Variants in ZNF385B observed in about 807,000 individuals in gnomAD.
ZNF385B encodes zinc finger protein 533.
ZNF385B carries 23 observed loss-of-function variants against 39.2 expected under a neutral mutation model. That is an observed-to-expected ratio of 0.59 (90% CI 0.42 to 0.83). ZNF385B has a LOEUF of 0.83. ZNF385B is among the 40% of genes least tolerant of loss of function. ZNF385B has a pLI of 0.00. For synonymous variants in ZNF385B, 205 were observed against 222.6 expected (o/e 0.92, Z 0.70); for missense variants, 552 against 598.9 (o/e 0.92, Z 0.82).
At chr2:179,699,699 TGTGTAATTTCCCTAAA>T (rs1292780493) in intron 3 of ZNF385B, among the ~76,000 whole-genome samples, 1 of 152,186 alleles carries the variant, frequency 6.6e-6, no homozygotes, top group African/African-American at 2.4e-5. Context: ...GGAGGTTTCT[TGTGTAATTTCCCTAAA>T]GGTGGCTATA....
chr2:179,772,896 C>CT (rs909675440), intron 1 of ZNF385B, among the ~76,000 whole-genome samples: 9 of 151,938 alleles, frequency 5.9e-5, no homozygotes, highest in African/African-American at 1.2e-4. Flanking sequence ...AAACTCTATG[C>CT]TTTTTTTTGT....
chr2:179,751,252 C>T (rs897691366), intron 3 of ZNF385B, among the ~76,000 whole-genome samples: 12 of 148,646 alleles, frequency 8.1e-5, no homozygotes, highest in African/African-American at 2.7e-4. Flanking sequence ...CCCACACATG[C>T]ATGTCCACAC....
Position 179,601,433 on chromosome 2 carries a change from A to AT in ZNF385B, c.299-56465dup, listed in dbSNP as rs1227236168. On this transcript the variant is annotated intron_variant, in intron 3 of 9. Coordinates refer to ENST00000410066, the MANE Select transcript of ZNF385B (RefSeq NM_152520.6). ...ACTGGGTAACAGCTATAGAGTAAAC[A>AT]TTTTTTTCTGACTTTTAACATAATA... 6.6e-5 allele frequency among the ~76,000 whole-genome samples: 10 copies of AT among 152,042 alleles called. No individual in the cohort carries two copies. The South Asian group carries it at 8.3e-4, about 13-fold the overall frequency.
Position 179,486,016 on chromosome 2 carries a change from G to GA in ZNF385B, c.553-2583dup, listed in dbSNP as rs200924414. 6.0e-3 allele frequency among the ~76,000 whole-genome samples: 900 copies of GA among 150,360 alleles called. 13 individuals are homozygous for GA. Among genetic ancestry groups the GA allele is most frequent in the African/African-American group, 0.021 (850 of 41,024 alleles). ...TCTCATGTTGTTCTCTGTCAAGTTG[G>GA]AAAAAAAAATAATCACGTGGGGAGA... On this transcript the variant is annotated intron_variant, in intron 5 of 9. Coordinates refer to ENST00000410066, the MANE Select transcript of ZNF385B (RefSeq NM_152520.6).
At chr2:179,782,569 A>G (rs1704735390) in intron 1 of ZNF385B, among the ~76,000 whole-genome samples, 2 of 152,210 alleles carry the variant, frequency 1.3e-5, no homozygotes, top group Admixed American at 1.3e-4. Flanking sequence ...ATATGATTCT[A>G]TATCTAGAAA....
intron 1 of ZNF385B, among the ~76,000 whole-genome samples, chr2:179,842,101 A>G (rs1708566824): frequency 6.6e-6 from 1 of 152,202 alleles, no homozygotes; most frequent in South Asian, 2.1e-4. Context: ...CAGGGTTACA[A>G]TGATAATTAA....
At chr2:179,834,436 T>C (rs1377884944) in intron 1 of ZNF385B, among the ~76,000 whole-genome samples, 2 of 152,154 alleles carry the variant, frequency 1.3e-5, no homozygotes, top group African/African-American at 2.4e-5. Context: ...TAGTCAAATT[T>C]GGGACAATTA....
intron 3 of ZNF385B, among the ~76,000 whole-genome samples, chr2:179,583,106 T>A (rs1574898264): frequency 6.6e-6 from 1 of 152,282 alleles, no homozygotes; most frequent in African/African-American, 2.4e-5. Context: ...TGGAAGGTTC[T>A]TTCAAAGAGA....
intron 1 of ZNF385B, among the ~76,000 whole-genome samples, chr2:179,781,853 C>G (rs1704684700): frequency 6.6e-6 from 1 of 151,968 alleles, no homozygotes; most frequent in Non-Finnish European, 1.5e-5. Flanking sequence ...ATAACAACAA[C>G]AATAAAGCCC....
chr2:179,497,434 T>C (rs986183855), intron 5 of ZNF385B, among the ~76,000 whole-genome samples: 22 of 152,122 alleles, frequency 1.4e-4, no homozygotes, highest in African/African-American at 5.3e-4. Context: ...AGTTTTTTAT[T>C]AGTTTTCTTT....
At chr2:179,609,178 T>A (rs1689081596) in intron 3 of ZNF385B, among the ~76,000 whole-genome samples, 1 of 152,066 alleles carries the variant, frequency 6.6e-6, no homozygotes, top group Non-Finnish European at 1.5e-5. Context: ...TCTAACTACA[T>A]TTTTGTACCC....
At chr2:179,539,793 G>C (rs2059802272) in intron 4 of ZNF385B, among the ~76,000 whole-genome samples, 1 of 152,108 alleles carries the variant, frequency 6.6e-6, no homozygotes, top group African/African-American at 2.4e-5. Context: ...TTTTTCTGTT[G>C]TTTCTTGAAC....
chr2:179,815,990 A>G (rs1707039907), intron 1 of ZNF385B, among the ~76,000 whole-genome samples: 1 of 151,942 alleles, frequency 6.6e-6, no homozygotes, highest in South Asian at 2.1e-4. Context: ...TTGTACACTG[A>G]CAACTTACAT....
intron 6 of ZNF385B, among the ~76,000 whole-genome samples, 168 bp from the exon 7 acceptor site, chr2:179,446,938 A>G (rs2049560716): frequency 6.6e-6 from 1 of 152,220 alleles, no homozygotes; most frequent in Non-Finnish European, 1.5e-5. Flanking sequence ...TAAATCAAAC[A>G]GAACACTATG....
chr2:179,756,320 TG>T (rs1488383801), intron 3 of ZNF385B, among the ~76,000 whole-genome samples: 1 of 152,256 alleles, frequency 6.6e-6, no homozygotes, highest in Non-Finnish European at 1.5e-5. Context: ...CACTCTCTTC[TG>T]GCTTGTAGAG....
intron 3 of ZNF385B, among the ~76,000 whole-genome samples, chr2:179,707,301 T>A (rs1699679672): frequency 6.6e-6 from 1 of 152,142 alleles, no homozygotes; most frequent in Non-Finnish European, 1.5e-5. Flanking sequence ...CTCTCCAGAC[T>A]CAAGATGAGT....
intron 5 of ZNF385B, among the ~76,000 whole-genome samples, chr2:179,513,667 T>G (rs1281287522): frequency 6.6e-6 from 1 of 152,234 alleles, no homozygotes; most frequent in African/African-American, 2.4e-5. Context: ...ACGGAGATGT[T>G]TATATCCTAT....
chr2:179,717,874 T>C (rs1422428270), intron 3 of ZNF385B, among the ~76,000 whole-genome samples: 8 of 151,504 alleles, frequency 5.3e-5, no homozygotes, highest in Admixed American at 4.6e-4. Flanking sequence ...TATTACGTTG[T>C]ATGTAATTAT....
At chr2:179,728,569 A>C (rs1486743712) in intron 3 of ZNF385B, among the ~76,000 whole-genome samples, 2 of 152,142 alleles carry the variant, frequency 1.3e-5, no homozygotes, top group East Asian at 3.8e-4. Flanking sequence ...TGGGTCTTGA[A>C]AATTTATGTT....
Sources: gnomAD v4.1 joint callset for allele counts (sites outside exome capture counted in the v4.1 genomes callset) on GRCh38, gnomAD v4.1.1 for gene constraint, MANE v1.5 for transcripts, NCBI Gene and HGNC (gene_info 2026-07-23, HGNC 2026-07-21) for gene names.